The following MCM9 variants were observed in gnomAD, a reference collection of about 807,000 sequenced individuals.
The protein encoded by MCM9 is DNA helicase MCM9.
MCM9 carries 55 observed loss-of-function variants against 72.8 expected under a neutral mutation model. The ratio of observed to expected loss-of-function variants is 0.76; its 90% CI spans 0.61 to 0.95. The LOEUF is 0.95. Ranked by LOEUF, MCM9 falls within the 40% of genes least tolerant of loss-of-function variation. The pLI is 0.00. For synonymous variants in MCM9, 480 were observed against 503.4 expected (o/e 0.95, Z 0.62); for missense variants, 1,279 against 1,377.0 (o/e 0.93, Z 1.13).
intron 3 of MCM9, among the ~76,000 whole-genome samples, chr6:118,927,808 T>C (rs1319935896): frequency 1.3e-5 from 2 of 152,212 alleles, no homozygotes; most frequent in East Asian, 3.8e-4. Context: ...AATTTGATAG[T>C]GTTTCTTACT....
intron 8 of MCM9, among the ~76,000 whole-genome samples, chr6:118,880,353 T>C (rs1028789859): frequency 2.0e-5 from 3 of 152,180 alleles, no homozygotes; most frequent in Non-Finnish European, 4.4e-5. Context: ...TACAAAATAG[T>C]GAACTTTTCA....
intron 9 of MCM9, among the ~76,000 whole-genome samples, chr6:118,849,526 T>C (rs1776094539): frequency 6.6e-6 from 1 of 151,622 alleles, no homozygotes; most frequent in Non-Finnish European, 1.5e-5. Flanking sequence ...AGTATTAAAT[T>C]GACCTTATAT....
chr6:118,913,476 A>G (rs1238930363), intron 6 of MCM9, 56 bp from the exon 7 acceptor site: 4 of 1,607,556 alleles, frequency 2.5e-6, no homozygotes, highest in Non-Finnish European at 3.4e-6. Flanking sequence ...ACCCCAACTG[A>G]AATTTCCCTT....
chr6:118,831,917 G>A (rs1229895160), intron 9 of MCM9, among the ~76,000 whole-genome samples: 1 of 152,152 alleles, frequency 6.6e-6, no homozygotes, highest in Non-Finnish European at 1.5e-5. Flanking sequence ...GAAACTAGAA[G>A]TTCAGGAATA....
At chr6:118,894,183 C>T (rs1482715237) in intron 8 of MCM9, 3 of 1,304,586 alleles carry the variant, frequency 2.3e-6, no homozygotes, top group African/African-American at 1.5e-5. Flanking sequence ...GAGGGCAACG[C>T]TGCTACTTAT....
intron 8 of MCM9, among the ~76,000 whole-genome samples, chr6:118,889,734 T>C (rs1439314474): frequency 1.3e-5 from 2 of 152,204 alleles, no homozygotes; most frequent in Non-Finnish European, 2.9e-5. Context: ...CATAATGATA[T>C]ACACACCAAG....
At chr6:118,909,941 AC>A (rs1409073417) in intron 8 of MCM9, among the ~76,000 whole-genome samples, 1 of 152,000 alleles carries the variant, frequency 6.6e-6, no homozygotes, top group Non-Finnish European at 1.5e-5. Flanking sequence ...ACATGGTGAA[AC>A]CCTGTCTCTA....
At chr6:118,856,600 T>A (rs1480808605) in intron 8 of MCM9, 55 bp from the exon 9 acceptor site, 3 of 1,511,844 alleles carry the variant, frequency 2.0e-6, no homozygotes, top group Non-Finnish European at 2.7e-6. Context: ...TTATCTTGAC[T>A]GGGCGCAGTG....
At chr6:118,930,323 A>G (rs572627168) in intron 3 of MCM9, among the ~76,000 whole-genome samples, 38 of 152,254 alleles carry the variant, frequency 2.5e-4, no homozygotes, top group Non-Finnish European at 4.1e-4. Flanking sequence ...CGTGTTAGCC[A>G]GGATGGTCTC....
rs979481072 is a variant in MCM9 at position 118,931,270 on chromosome 6, A to C, written c.304+150T>G. 1.6e-5 allele frequency: 11 copies of C among 692,412 alleles called. No homozygotes were observed. The African/African-American group carries it at 1.6e-4, about 10-fold the overall frequency. The allele number at this position is 692,412 out of a possible 1,614,324, so 42.9% of individuals were successfully genotyped here. A position where few individuals can be genotyped will look rare whatever the true frequency, so the allele number is the denominator to read the frequency against. On this transcript the variant is annotated intron_variant, in intron 3 of 13. Coordinates refer to ENST00000619706, the MANE Select transcript of MCM9 (RefSeq NM_017696.3). ...TTCATGCCCACAGAACACAATTATTATTCTGCTCTAAAAGAAGTGACCATC... is the reference window on the plus strand; with the variant it reads ...TTCATGCCCACAGAACACAATTATTCTTCTGCTCTAAAAGAAGTGACCATC...
chr6:118,928,632 G>A (rs1447518706), intron 3 of MCM9, among the ~76,000 whole-genome samples: 1 of 151,372 alleles, frequency 6.6e-6, no homozygotes, highest in East Asian at 1.9e-4. Context: ...AGGATCACTT[G>A]AGGCTAGGAG....
chr6:118,827,062 C>G lies in MCM9; in HGVS notation c.1733-198G>C, dbSNP rs1430758546. Among the ~76,000 whole-genome samples the G allele has an allele frequency of 2.6e-5, 4 of 152,030 alleles. 1 individual carries two copies. The highest frequency in any genetic ancestry group is 9.7e-5 in the African/African-American group (4 of 41,366). ...AATGAGCCTAATCCTTCTGTGTAGC[C>G]CACACAATCTTGTATATTTATATGA... On this transcript the variant is annotated intron_variant, in intron 11 of 13. Coordinates refer to ENST00000619706, the MANE Select transcript of MCM9 (RefSeq NM_017696.3).
At chr6:118,853,982 T>A (rs1776397399) in intron 9 of MCM9, among the ~76,000 whole-genome samples, 2 of 152,344 alleles carry the variant, frequency 1.3e-5, no homozygotes, top group South Asian at 4.1e-4. Context: ...GCTAAATTTA[T>A]CCTGAAATAC....
At chr6:118,834,129 CT>C (rs1774785966) in intron 9 of MCM9, among the ~76,000 whole-genome samples, 1 of 152,074 alleles carries the variant, frequency 6.6e-6, no homozygotes, top group Non-Finnish European at 1.5e-5. Context: ...TTTTCTGTTC[CT>C]GTGTTAGTTT....
At chr6:118,916,608 G>A (rs907649167) in intron 6 of MCM9, among the ~76,000 whole-genome samples, 25 of 150,868 alleles carry the variant, frequency 1.7e-4, no homozygotes, top group African/African-American at 5.1e-4. Flanking sequence ...ACAGGTGCAC[G>A]CCACCACACC....
chr6:118,879,855 C>A (rs571989295), intron 8 of MCM9, among the ~76,000 whole-genome samples: 2 of 151,818 alleles, frequency 1.3e-5, no homozygotes, highest in African/African-American at 2.4e-5. Flanking sequence ...ACCAGCCTGG[C>A]CAACATGGTG....
chr6:118,826,794 C>A lies in MCM9; in HGVS notation c.1803G>T (p.Glu601Asp), dbSNP rs1419306988. Residue 601 changes from glutamate (E) to aspartate (D), a missense_variant, in exon 12 of 14, where the codon GAG becomes GAT. Physicochemically the swap from Glu to Asp is conservative, Grantham distance 45 (BLOSUM62 2). Transcript: ENST00000619706. ...AAAATATCCTTACCTGCATTGAGGACTCCATGACTGACACCACCGTAATAG... is the reference window on the plus strand; with the variant it reads ...AAAATATCCTTACCTGCATTGAGGAATCCATGACTGACACCACCGTAATAG... ...EDAITVVSVM[E>D]SSMQGGALLG... 4 of 1,549,910 alleles carry A rather than the reference C, an allele frequency of 2.6e-6. No individual in the cohort carries two copies. The South Asian group carries it at 3.6e-5, about 14-fold the overall frequency.
At position 118,837,760 on chromosome 6, in the gene MCM9, C is replaced by T. The variant is rs140045018; in HGVS notation, c.1326-8510G>A. 7.6e-3 allele frequency among the ~76,000 whole-genome samples: 1,159 copies of T among 152,188 alleles called. 8 individuals are homozygous for T. The highest frequency in any genetic ancestry group is 0.029 in the South Asian group (139 of 4,822). On this transcript the variant is annotated intron_variant, in intron 9 of 13. Coordinates refer to ENST00000619706, the MANE Select transcript of MCM9 (RefSeq NM_017696.3). Reference sequence around the variant, plus strand: ...TTTTGAGCCTATGTGTGTATTTGCACGTGAGATGGGTCTCCTGAATACAGC... The same window carrying T: ...TTTTGAGCCTATGTGTGTATTTGCATGTGAGATGGGTCTCCTGAATACAGC...
At chr6:118,839,231 C>T (rs970716829) in intron 9 of MCM9, among the ~76,000 whole-genome samples, 4 of 151,668 alleles carry the variant, frequency 2.6e-5, no homozygotes, top group African/African-American at 9.7e-5. Context: ...TTGATACTTC[C>T]GTATGCTTCA....
Sources: allele counts gnomAD v4.1 joint callset (sites outside exome capture counted in the v4.1 genomes callset), GRCh38; gene constraint gnomAD v4.1.1; transcripts MANE v1.5; gene names NCBI Gene and HGNC (gene_info 2026-07-23, HGNC 2026-07-21).